PDE3A: variants seen among roughly 807,000 people sequenced by gnomAD.
PDE3A encodes the protein phosphodiesterase 3A.
In PDE3A, 43 loss-of-function variants were observed where a neutral mutation model predicts 98.3. The ratio of observed to expected loss-of-function variants is 0.44; its 90% CI spans 0.34 to 0.56. The LOEUF (loss-of-function observed/expected upper bound fraction) is 0.56. PDE3A is among the 20% of genes least tolerant of loss of function. The pLI, the probability that PDE3A is intolerant of heterozygous loss-of-function variation, is 0.01. For synonymous variants in PDE3A, 663 were observed against 567.9 expected (o/e 1.17, Z -2.38); for missense variants, 1,427 against 1,440.7 (o/e 0.99, Z 0.15).
chr12:20,374,021 A>C (rs1159286516), intron 1 of PDE3A, among the ~76,000 whole-genome samples: 1 of 152,148 alleles, frequency 6.6e-6, no homozygotes, highest in Non-Finnish European at 1.5e-5. Context: ...ATAATCACGG[A>C]CTTTTAATTA....
At chr12:20,521,983 C>T (rs1946437853) in intron 1 of PDE3A, among the ~76,000 whole-genome samples, 1 of 152,158 alleles carries the variant, frequency 6.6e-6, no homozygotes, top group Non-Finnish European at 1.5e-5. Flanking sequence ...TGGCAACCCT[C>T]ATTAACCCCA....
chr12:20,602,134 C>T (rs1051576061), intron 2 of PDE3A, among the ~76,000 whole-genome samples: 1 of 152,158 alleles, frequency 6.6e-6, no homozygotes, highest in Non-Finnish European at 1.5e-5. Context: ...TTTTTATTTA[C>T]AAAGTAATTT....
chr12:20,629,257 A>T (rs1236130705), intron 5 of PDE3A, among the ~76,000 whole-genome samples: 1 of 152,186 alleles, frequency 6.6e-6, no homozygotes, highest in African/African-American at 2.4e-5. Context: ...CCAAATACCC[A>T]TACTTGAAAT....
rs575727890 is a variant in PDE3A, at chr12:20,541,036, A to G, written c.961-15624A>G. On this transcript the variant is annotated intron_variant, in intron 1 of 15. Coordinates refer to ENST00000359062, the MANE Select transcript of PDE3A (RefSeq NM_000921.5). ...AAAAACCAAGTATCCTATTAAGTGTATATTATTGACTCAAATTGACAAGGA... is the reference window on the plus strand; with the variant it reads ...AAAAACCAAGTATCCTATTAAGTGTGTATTATTGACTCAAATTGACAAGGA... Among the ~76,000 whole-genome samples the G allele has an allele frequency of 5.3e-5, 7 of 133,074 alleles. No homozygotes were observed. The East Asian group carries it at 1.8e-3, about 34-fold the overall frequency. 87.3% of individuals were successfully genotyped at this position (133,074 alleles called of 152,430 possible). A position where few individuals can be genotyped will look rare whatever the true frequency, so the allele number is the denominator to read the frequency against.
At chr12:20,553,034 C>T (rs1415399805) in intron 1 of PDE3A, 4 of 1,451,734 alleles carry the variant, frequency 2.8e-6, no homozygotes, top group Non-Finnish European at 1.9e-6. Context: ...TCTCGACAGG[C>T]GTTTTGCTGA....
rs112563320 is a variant in PDE3A at position 20,560,929 on chromosome 12, T to A, written c.1011+4219T>A. On this transcript the variant is annotated intron_variant, in intron 2 of 15. Coordinates refer to ENST00000359062, the MANE Select transcript of PDE3A (RefSeq NM_000921.5). ...CTGGCCCTGTTTGCAAATGAAATAC[T>A]GGATAAATCCACCAAAAAGTACAGA... 4.9e-3 allele frequency among the ~76,000 whole-genome samples: 711 copies of A among 144,936 alleles called. 5 individuals carry two copies. Among genetic ancestry groups the A allele is most frequent in the African/African-American group, 0.016 (660 of 40,192 alleles).
intron 1 of PDE3A, among the ~76,000 whole-genome samples, chr12:20,457,408 G>T (rs1296595720): frequency 1.3e-5 from 2 of 151,588 alleles, no homozygotes; most frequent in Admixed American, 6.6e-5. Flanking sequence ...ACTTATGGAT[G>T]AAACAAGGCG....
At chr12:20,587,640 G>A (rs930057742) in intron 2 of PDE3A, among the ~76,000 whole-genome samples, 8 of 152,020 alleles carry the variant, frequency 5.3e-5, no homozygotes, top group Non-Finnish European at 1.0e-4. Context: ...TTTCAACTTC[G>A]GAAAATATAT....
intron 1 of PDE3A, among the ~76,000 whole-genome samples, chr12:20,450,247 A>C (rs1008306787): frequency 1.3e-5 from 2 of 152,182 alleles, no homozygotes; most frequent in Non-Finnish European, 2.9e-5. Flanking sequence ...AGTTTCTCAA[A>C]ATTGTGAGGT....
chr12:20,520,667 T>A (rs963504502), intron 1 of PDE3A, among the ~76,000 whole-genome samples: 2 of 152,298 alleles, frequency 1.3e-5, no homozygotes, highest in African/African-American at 4.8e-5. Flanking sequence ...GCCAAATGAT[T>A]TCTAGGATTT....
rs147079255 is a variant in PDE3A at position 20,477,443 on chromosome 12, C to T, written c.961-79217C>T. ...GGGCTCTAGCTTTCCAGTTGCTGAT[C>T]GGCAATAATGAACCCCTGCTCTGTT... On this transcript the variant is annotated intron_variant, in intron 1 of 15. Transcript: ENST00000359062. Among the ~76,000 whole-genome samples the T allele has an allele frequency of 3.6e-3, 553 of 152,200 alleles. 5 individuals are homozygous for T. The highest frequency in any genetic ancestry group is 0.012 in the African/African-American group (518 of 41,536).
At chr12:20,477,697 T>C (rs1045159237) in intron 1 of PDE3A, among the ~76,000 whole-genome samples, 36 of 152,218 alleles carry the variant, frequency 2.4e-4, no homozygotes, top group African/African-American at 8.4e-4. Context: ...AATACTATCA[T>C]GTATAAGACG....
rs993085961 is a variant in PDE3A, at chr12:20,546,467, T to C, written c.961-10193T>C. Reference sequence around the variant, plus strand: ...ATCTTCCCAATCCAGAGCACTGACCTCTGCTAGAGCCTGCAGTCAGGGGAG... The same window carrying C: ...ATCTTCCCAATCCAGAGCACTGACCCCTGCTAGAGCCTGCAGTCAGGGGAG... On this transcript the variant is annotated intron_variant, in intron 1 of 15. Transcript: ENST00000359062. Among the ~76,000 whole-genome samples, 8 of 152,082 alleles carry C rather than the reference T, an allele frequency of 5.3e-5. No homozygotes were observed. In the South Asian group the frequency reaches 1.7e-3, roughly 32 times the overall value.
intron 2 of PDE3A, among the ~76,000 whole-genome samples, chr12:20,590,921 G>A (rs1943324652): frequency 6.6e-6 from 1 of 152,178 alleles, no homozygotes; most frequent in Admixed American, 6.6e-5. Context: ...TAATAGCATT[G>A]TCCCACTTTG....
chr12:20,423,231 C>T (rs1043922198), intron 1 of PDE3A, among the ~76,000 whole-genome samples: 1 of 152,108 alleles, frequency 6.6e-6, no homozygotes, highest in African/African-American at 2.4e-5. Flanking sequence ...CTTGTGTTTT[C>T]ATAGGTATGA....
chr12:20,435,616 ATTCCTGG>A (rs1335736753), intron 1 of PDE3A, among the ~76,000 whole-genome samples: 1 of 152,156 alleles, frequency 6.6e-6, no homozygotes, highest in Non-Finnish European at 1.5e-5. Flanking sequence ...CCTGGATCTA[ATTCCTGG>A]TAGTAAGGAG....
intron 1 of PDE3A, among the ~76,000 whole-genome samples, chr12:20,419,660 A>G (rs574305300): frequency 6.6e-6 from 1 of 151,992 alleles, no homozygotes; most frequent in African/African-American, 2.4e-5. Context: ...TCATTAGAGA[A>G]CCACAAATAA....
intron 1 of PDE3A, among the ~76,000 whole-genome samples, chr12:20,427,340 G>A (rs1357580728): frequency 6.6e-6 from 1 of 152,132 alleles, no homozygotes; most frequent in Admixed American, 6.6e-5. Flanking sequence ...GTACACTAAG[G>A]GTTATTTTTA....
chr12:20,577,343 T>C (rs1264743183), intron 2 of PDE3A, among the ~76,000 whole-genome samples: 3 of 152,104 alleles, frequency 2.0e-5, no homozygotes, highest in Non-Finnish European at 4.4e-5. Context: ...CACTGATACA[T>C]ACCTTGTTTG....
Sources: allele counts gnomAD v4.1 joint callset (sites outside exome capture counted in the v4.1 genomes callset), GRCh38; gene constraint gnomAD v4.1.1; transcripts MANE v1.5; gene names NCBI Gene and HGNC (gene_info 2026-07-23, HGNC 2026-07-21).